Variants in SLTM observed in about 807,000 individuals in gnomAD.
The protein encoded by SLTM is SAFB-like transcription modulator.
In SLTM, 43 loss-of-function variants were observed where a neutral mutation model predicts 134.6. That is an observed-to-expected ratio of 0.32 (90% CI 0.25 to 0.41). The LOEUF is 0.41. SLTM is among the 10% of genes least tolerant of loss of function. The pLI, the probability that SLTM is intolerant of heterozygous loss-of-function variation, is 1.00. For missense variants in SLTM, 1,055 were observed against 1,288.8 expected (o/e 0.82, Z 2.78); for synonymous variants, 424 against 432.3 (o/e 0.98, Z 0.24).
intron 20 of SLTM, among the ~76,000 whole-genome samples, chr15:58,882,535 C>T (rs997786865): frequency 2.6e-5 from 4 of 152,054 alleles, no homozygotes; most frequent in South Asian, 2.1e-4. Flanking sequence ...GATAAGTGAC[C>T]GTGTGAAACA....
rs1369229263 is a variant in SLTM, at chr15:58,916,915, C to G, written c.315+20G>C. On this transcript the variant is annotated intron_variant, in intron 3 of 20. Transcript: ENST00000380516. ...CTAGGCTTAAAATAAGCATCTTAAC[C>G]TGAGTAATTAACACTTTACCTTGAT... is the stretch of plus-strand genomic sequence containing the variant. 6.2e-7 allele frequency: 1 copy of G among 1,608,184 alleles called. No homozygotes were observed. The highest frequency in any genetic ancestry group is 1.1e-5 in the South Asian group (1 of 90,820).
At chr15:58,927,679 T>A (rs562364013) in intron 2 of SLTM, among the ~76,000 whole-genome samples, 2 of 152,320 alleles carry the variant, frequency 1.3e-5, no homozygotes, top group South Asian at 2.1e-4. Context: ...ACACCAGGCA[T>A]TACAGAGACA....
intron 3 of SLTM, among the ~76,000 whole-genome samples, chr15:58,915,562 G>C (rs1401134261): frequency 1.3e-5 from 2 of 152,156 alleles, no homozygotes; most frequent in Admixed American, 1.3e-4. Flanking sequence ...AAGGGTAACA[G>C]AATACCAAAA....
At chr15:58,916,823 T>C (rs1338086830) in intron 3 of SLTM, 112 bp downstream of exon 3, 27 of 780,360 alleles carry the variant, frequency 3.5e-5, no homozygotes, top group Non-Finnish European at 4.8e-5. Context: ...CATAGGTCTT[T>C]ATCTTTAACC....
intron 19 of SLTM, among the ~76,000 whole-genome samples, chr15:58,886,224 T>TGG (rs1272404565): frequency 1.5e-5 from 1 of 68,534 alleles, no homozygotes; most frequent in Non-Finnish European, 2.6e-5. Flanking sequence ...GAAGAGTGTG[T>TGG]GTGTGTGTGT....
chr15:58,890,898 GA>G (rs2034596195), intron 14 of SLTM, among the ~76,000 whole-genome samples: 1 of 152,032 alleles, frequency 6.6e-6, no homozygotes, highest in African/African-American at 2.4e-5. Context: ...GATGATTTGG[GA>G]TCATAACAAT....
At chr15:58,912,899 T>A (rs1440310068) in intron 4 of SLTM, 7 of 285,700 alleles carry the variant, frequency 2.5e-5, no homozygotes, top group Non-Finnish European at 4.7e-5. Context: ...CTTAACCCAC[T>A]GACTTTCTTA....
At position 58,897,150 on chromosome 15, in the gene SLTM, C is replaced by T; in HGVS notation, c.1192G>A (p.Ala398Thr). The T allele has an allele frequency of 6.2e-7, 1 of 1,613,044 alleles. No individual in the cohort carries two copies. Among genetic ancestry groups the T allele is most frequent in the Non-Finnish European group, 8.5e-7 (1 of 1,179,308 alleles). ...VSGLSSNTKA[A>T]DLKNLFGKYG... ...TTGCCAAAGAGGTTCTTCAAATCAG[C>T]AGCTTTGGTATTAGATGAAAGTCCA... The change falls in exon 9 of 21, where the codon GCT becomes ACT. Residue 398 changes from alanine (A) to threonine (T), a missense_variant. Physicochemically the swap from Ala to Thr is moderately conservative, Grantham distance 58. This residue lies in a region of SLTM where 776 missense variants were observed against 962.2 expected (regional missense o/e 0.81). Transcript: ENST00000380516.
At chr15:58,921,445 C>T in intron 2 of SLTM, 2 of 196,036 alleles carry the variant, frequency 1.0e-5, no homozygotes, top group South Asian at 1.4e-4. Context: ...GTGAGACTCA[C>T]TTGCCCAATG....
chr15:58,905,428 C>T (rs1296615178), intron 5 of SLTM, among the ~76,000 whole-genome samples: 1 of 152,044 alleles, frequency 6.6e-6, no homozygotes, highest in Non-Finnish European at 1.5e-5. Context: ...TGTGGCCAGG[C>T]GTGGTGGCTC....
chr15:58,896,946 T>C (rs1300032875), intron 9 of SLTM, among the ~76,000 whole-genome samples, 169 bp downstream of exon 9: 3 of 152,214 alleles, frequency 2.0e-5, no homozygotes, highest in Non-Finnish European at 4.4e-5. Context: ...AAATGCTATT[T>C]ATCCCCTAAC....
chr15:58,893,160 A>G (rs770278271), intron 13 of SLTM, 100 bp from the exon 14 acceptor site: 212 of 1,407,980 alleles, frequency 1.5e-4, no homozygotes, highest in Non-Finnish European at 2.0e-4. Flanking sequence ...GACTAGTAAC[A>G]TTTCCTTTTT....
At chr15:58,881,922 G>A (rs2033745553) in intron 20 of SLTM, among the ~76,000 whole-genome samples, 1 of 151,574 alleles carries the variant, frequency 6.6e-6, no homozygotes, top group Non-Finnish European at 1.5e-5. Context: ...AAAAAATAGA[G>A]CCACACGGCC....
intron 5 of SLTM, among the ~76,000 whole-genome samples, chr15:58,911,367 C>T (rs922035144): frequency 2.0e-5 from 3 of 152,110 alleles, no homozygotes; most frequent in Admixed American, 6.5e-5. Context: ...TAACTGACCT[C>T]CTCATTATTT....
chr15:58,931,318 T>C (rs1433806147), intron 2 of SLTM, among the ~76,000 whole-genome samples: 1 of 152,212 alleles, frequency 6.6e-6, no homozygotes, highest in African/African-American at 2.4e-5. Context: ...GGGACTCTCC[T>C]AACCTAGGAA....
intron 5 of SLTM, among the ~76,000 whole-genome samples, chr15:58,904,725 T>TAGA (rs2141062981): frequency 6.6e-6 from 1 of 152,060 alleles, no homozygotes; most frequent in Non-Finnish European, 1.5e-5. Flanking sequence ...TGTTTCGTTT[T>TAGA]TCTGAGACTG....
rs1396897392 is a variant in SLTM, at chr15:58,888,459, T to C, written c.2301A>G (p.Arg767=). 2 of 1,613,786 alleles carry C rather than the reference T, an allele frequency of 1.2e-6. No homozygotes were observed. The highest frequency in any genetic ancestry group is 1.7e-6 in the Non-Finnish European group (2 of 1,179,910). ...TCTCTCGGTGATCAAAGTCATTAAATCTGTTCTGTTGGCGAGAGTAGTCGG... is the reference window on the plus strand; with the variant it reads ...TCTCTCGGTGATCAAAGTCATTAAACCTGTTCTGTTGGCGAGAGTAGTCGG... ...HGSDYSRQQN[R]FNDFDHRERG... Residue 767 remains arginine (R), a synonymous_variant, in exon 17 of 21, where the codon AGA becomes AGG. Coordinates refer to ENST00000380516, the MANE Select transcript of SLTM (RefSeq NM_024755.4).
rs1187256503 is a variant in SLTM at position 58,898,888 on chromosome 15, A to G, written c.1059-36T>C. On this transcript the variant is annotated intron_variant, in intron 7 of 20. Coordinates refer to ENST00000380516, the MANE Select transcript of SLTM (RefSeq NM_024755.4). ...AAATCACCAGAAGAAAATTGAAAAC[A>G]AAAACAAAAACAAACCCAAAACAGA... 5 of 1,489,920 alleles carry G rather than the reference A, an allele frequency of 3.4e-6. No individual in the cohort carries two copies. The African/African-American group carries it at 7.0e-5, about 21-fold the overall frequency. 92.3% of individuals were successfully genotyped at this position (1,489,920 alleles called of 1,614,324 possible).
At position 58,912,573 on chromosome 15, in the gene SLTM, A is replaced by G. The variant is rs1405902837; in HGVS notation, c.551T>C (p.Leu184Pro). 1 of 1,612,452 alleles carries G rather than the reference A, an allele frequency of 6.2e-7. No homozygotes were observed. Among genetic ancestry groups the G allele is most frequent in the Non-Finnish European group, 8.5e-7 (1 of 1,179,102 alleles). The stretch of plus-strand genomic sequence containing the variant: ...TAAATGTAAACTTACTTGGGCTGTT[A>G]GAAAGGTATCATCTTCACCTTCTTG... ...EAQEGEDDTF[L>P]TAQDGEEEEN... is the part of the protein sequence containing the mutation. Residue 184 changes from leucine (L) to proline (P), a missense_variant, in exon 5 of 21, where the codon CTA becomes CCA. Physicochemically the swap from Leu to Pro is moderately conservative, Grantham distance 98 (BLOSUM62 -3). This residue lies in a region of SLTM where 268 missense variants were observed against 284.3 expected (regional missense o/e 0.94). Transcript: ENST00000380516.
Sources: gnomAD v4.1 joint callset for allele counts (sites outside exome capture counted in the v4.1 genomes callset) on GRCh38, gnomAD v4.1.1 for gene constraint, gnomAD v4.1.1 regional missense constraint, MANE v1.5 for transcripts, NCBI Gene and HGNC (gene_info 2026-07-23, HGNC 2026-07-21) for gene names.